Variants in SNX29 observed in about 807,000 individuals in gnomAD.
The protein encoded by SNX29 is sorting nexin-29.
SNX29 carries 78 observed loss-of-function variants against 102.1 expected under a neutral mutation model. The observed-to-expected ratio is 0.76, with a 90% CI of 0.64 to 0.92. The LOEUF (loss-of-function observed/expected upper bound fraction) is 0.92. Among genes scored for constraint, SNX29 ranks in the 40% least tolerant of loss-of-function variants. SNX29 has a pLI of 0.00. For synonymous variants in SNX29, 580 were observed against 414.5 expected (o/e 1.40, Z -4.85); for missense variants, 1,280 against 1,061.7 (o/e 1.21, Z -2.86).
chr16:12,389,929 GGTTA>G (rs1227407818), intron 16 of SNX29, among the ~76,000 whole-genome samples: 1 of 152,184 alleles, frequency 6.6e-6, no homozygotes, highest in Non-Finnish European at 1.5e-5. Flanking sequence ...AGCGAGTTTG[GGTTA>G]GTTGAATACT....
intron 13 of SNX29, among the ~76,000 whole-genome samples, chr16:12,181,671 G>A (rs1596449691): frequency 6.8e-6 from 1 of 147,898 alleles, no homozygotes; most frequent in East Asian, 2.0e-4. Context: ...CGGTGATTTG[G>A]GGGCCTGTTG....
rs532031339 is a variant in SNX29, at chr16:12,554,990, CCTTT to C, written c.2319-13508_2319-13505del. On this transcript the variant is annotated intron_variant, in intron 20 of 20. Coordinates refer to ENST00000566228, the MANE Select transcript of SNX29 (RefSeq NM_032167.5). The stretch of plus-strand genomic sequence containing the variant: ...TGAGGGGGGTCAGTCAGCCGGAGCA[CCTTT>C]CTTTCTTGCAGAGGCAGGCAGGAGT... 2.1e-4 allele frequency among the ~76,000 whole-genome samples: 32 copies of C among 152,108 alleles called. No individual in the cohort carries two copies. The South Asian group carries it at 5.0e-3, about 24-fold the overall frequency.
chr16:12,531,512 C>G (rs373710782), intron 20 of SNX29, among the ~76,000 whole-genome samples: 9 of 152,196 alleles, frequency 5.9e-5, no homozygotes, highest in African/African-American at 2.2e-4. Context: ...GCCCCACTGT[C>G]TCAGGTGTGC....
chr16:12,527,913 C>T (rs1259182409), intron 20 of SNX29, among the ~76,000 whole-genome samples: 1 of 151,146 alleles, frequency 6.6e-6, no homozygotes, highest in African/African-American at 2.4e-5. Flanking sequence ...TAAGCTCTGC[C>T]TCCCAGGTTC....
rs377399326 is a variant in SNX29, at chr16:12,190,146, C to T, written c.1596-9455C>T. Among the ~76,000 whole-genome samples, 12 of 152,186 alleles carry T rather than the reference C, an allele frequency of 7.9e-5. No homozygotes were observed. The South Asian group carries it at 2.5e-3, about 32-fold the overall frequency. ...CTTTCTGGAGAAGCTCCTCTGCTCT[C>T]TTCATTATAGAGATCCTCCATCCTC... On this transcript the variant is annotated intron_variant, in intron 13 of 20. Transcript: ENST00000566228.
At chr16:12,305,891 G>T (rs997346976) in intron 15 of SNX29, among the ~76,000 whole-genome samples, 1 of 152,160 alleles carries the variant, frequency 6.6e-6, no homozygotes, top group African/African-American at 2.4e-5. Flanking sequence ...GATTTAAAAG[G>T]CTCTGTAATA....
intron 20 of SNX29, among the ~76,000 whole-genome samples, chr16:12,566,671 C>G (rs543739992): frequency 1.4e-5 from 2 of 144,632 alleles, no homozygotes; most frequent in African/African-American, 2.6e-5. Context: ...AAGGAGCATT[C>G]AGGGATAAAG....
intron 20 of SNX29, among the ~76,000 whole-genome samples, chr16:12,563,928 C>G (rs118142599): frequency 0.014 from 2,157 of 152,342 alleles, 27 homozygotes; most frequent in Non-Finnish European, 0.023. Flanking sequence ...CCTACAATAC[C>G]TAGACGCTGA....
At chr16:12,485,190 C>T (rs937543584) in intron 19 of SNX29, among the ~76,000 whole-genome samples, 2 of 152,200 alleles carry the variant, frequency 1.3e-5, no homozygotes, top group Non-Finnish European at 2.9e-5. Context: ...TGAGGCCAAG[C>T]AGGCTTTTGG....
At chr16:12,448,899 C>T (rs889813) in intron 18 of SNX29, among the ~76,000 whole-genome samples, 64,715 of 151,924 alleles carry the variant, frequency 0.43, 13,997 homozygotes, top group African/African-American at 0.49. Context: ...CTTTGGTTTT[C>T]GCATTCACTA....
intron 20 of SNX29, among the ~76,000 whole-genome samples, chr16:12,567,737 C>G (rs902265126): frequency 6.6e-6 from 1 of 152,160 alleles, no homozygotes; most frequent in Non-Finnish European, 1.5e-5. Flanking sequence ...ACTGTAAAAC[C>G]TGGGCAAGAG....
At chr16:12,231,396 A>T (rs78497757) in intron 14 of SNX29, among the ~76,000 whole-genome samples, 5,892 of 152,122 alleles carry the variant, frequency 0.039, 406 homozygotes, top group African/African-American at 0.14. Flanking sequence ...GTTGCTTTTT[A>T]CCCCACTTAA....
intron 15 of SNX29, among the ~76,000 whole-genome samples, chr16:12,332,427 G>C (rs1193423075): frequency 3.3e-5 from 5 of 152,162 alleles, no homozygotes; most frequent in Non-Finnish European, 7.3e-5. Context: ...GTTAGGAAAG[G>C]CTTGTTAAAG....
At chr16:12,391,886 T>TA (rs776703271) in intron 16 of SNX29, among the ~76,000 whole-genome samples, 1 of 152,206 alleles carries the variant, frequency 6.6e-6, no homozygotes, top group Admixed American at 6.5e-5. Flanking sequence ...GCGTGATTGT[T>TA]ACGTTGATTT....
chr16:12,072,468 A>G (rs967528031), intron 10 of SNX29, among the ~76,000 whole-genome samples: 11 of 152,170 alleles, frequency 7.2e-5, no homozygotes, highest in African/African-American at 2.7e-4. Context: ...GCTGGATTAC[A>G]TTTATTGATT....
chr16:12,010,443 G>A (rs889135344), intron 3 of SNX29, among the ~76,000 whole-genome samples: 1 of 152,050 alleles, frequency 6.6e-6, no homozygotes, highest in Non-Finnish European at 1.5e-5. Context: ...CCAACATGGC[G>A]AAACCCCATG....
chr16:12,319,970 G>T (rs1167141408), intron 15 of SNX29, among the ~76,000 whole-genome samples: 1 of 152,176 alleles, frequency 6.6e-6, no homozygotes, highest in Non-Finnish European at 1.5e-5. Flanking sequence ...GGAAATGCGG[G>T]TTCCAGGAAG....
Position 12,524,615 on chromosome 16 carries a change from G to A in SNX29, c.2179-87G>A, listed in dbSNP as rs1046552244. On this transcript the variant is annotated intron_variant, in intron 19 of 20. Coordinates refer to ENST00000566228, the MANE Select transcript of SNX29 (RefSeq NM_032167.5). The stretch of plus-strand genomic sequence containing the variant: ...AATCAGTGTTGGTTGCCTGGATGGC[G>A]CTGATGGGTGATCGCCTGTTCTATA... 2.2e-5 allele frequency: 33 copies of A among 1,475,452 alleles called. No individual in the cohort carries two copies. In the East Asian group the frequency reaches 2.5e-4, roughly 11 times the overall value. 91.4% of individuals were successfully genotyped at this position (1,475,452 alleles called of 1,614,324 possible). A position where few individuals can be genotyped will look rare whatever the true frequency, so the allele number is the denominator to read the frequency against.
intron 18 of SNX29, chr16:12,443,159 C>T: frequency 7.6e-6 from 3 of 392,504 alleles, no homozygotes; most frequent in South Asian, 5.5e-5. Flanking sequence ...CCTGCGTGGG[C>T]TTTCTCTGTC....
Sources: allele counts gnomAD v4.1 joint callset (sites outside exome capture counted in the v4.1 genomes callset), GRCh38; gene constraint gnomAD v4.1.1; transcripts MANE v1.5; gene names NCBI Gene and HGNC (gene_info 2026-07-23, HGNC 2026-07-21).